The following PRF1 variants were observed in gnomAD, a reference collection of about 807,000 sequenced individuals.
The protein encoded by PRF1 is perforin-1.
In PRF1, 11 loss-of-function variants were observed where a neutral mutation model predicts 11.7. That is an observed-to-expected ratio of 0.94 (90% CI 0.59 to 1.56). The LOEUF is 1.56. Ranked by LOEUF, PRF1 falls within the 40% of genes most tolerant of loss-of-function variation. PRF1 has a pLI of 0.00. For synonymous variants in PRF1, 314 were observed against 327.8 expected (o/e 0.96, Z 0.45); for missense variants, 729 against 751.0 (o/e 0.97, Z 0.34).
chr10:70,597,608 T>G lies in PRF1; in HGVS notation c.*445A>C. On this transcript the variant is annotated 3_prime_UTR_variant, in exon 3 of 3. Transcript: ENST00000441259. ...TCTGCCCAGCTCCTGGCTGAAGCTG[T>G]GATCTGTGTAGCTGTGACTGCAGGG... 22 of 489,756 alleles carry G rather than the reference T, an allele frequency of 4.5e-5. No homozygotes were observed. Among genetic ancestry groups the G allele is most frequent in the East Asian group, 1.9e-4 (6 of 32,168 alleles). 30.3% of individuals were successfully genotyped at this position (489,756 alleles called of 1,614,324 possible).
rs754180700 is a variant in PRF1 at position 70,600,385 on chromosome 10, G to A, written c.518C>T (p.Thr173Met). The part of the protein sequence containing the change: ...HQDQYSFSTD[T>M]VECRFYSFHV... Reference sequence around the variant, plus strand: ...TCACCTGTAGAAGCGGCACTCCACCGTGTCAGTGCTGAAGCTGTACTGGTC... The same window carrying A: ...TCACCTGTAGAAGCGGCACTCCACCATGTCAGTGCTGAAGCTGTACTGGTC... Residue 173 changes from threonine to methionine, a missense_variant, in exon 2 of 3, where the codon ACG (threonine) becomes ATG (methionine). Coordinates refer to ENST00000441259, the MANE Select transcript of PRF1 (RefSeq NM_001083116.3). The surrounding 1 kb of genome is among the most constrained non-coding windows in gnomAD (Gnocchi z 4.9). The A allele has an allele frequency of 8.1e-6, 13 of 1,614,096 alleles. No homozygotes were observed. Among genetic ancestry groups the A allele is most frequent in the East Asian group, 4.5e-5 (2 of 44,870 alleles).
chr10:70,600,288 GC>G lies in PRF1; in HGVS notation c.539+75del, dbSNP rs1848200837. The G allele has an allele frequency of 1.9e-6, 3 of 1,585,684 alleles. No individual in the cohort carries two copies. Among genetic ancestry groups the G allele is most frequent in the Middle Eastern group, 3.5e-4 (2 of 5,744 alleles). ...CCTCCAAGTTTGATTGGAGGACTCT[GC>G]CTTTCCAGGGCTCCTAGACCACCCA... On this transcript the variant is annotated intron_variant, in intron 2 of 2. Transcript: ENST00000441259. This position sits in a 1 kb window ranked among gnomAD's most constrained non-coding sequence, Gnocchi z 4.9.
chr10:70,602,692 TCAC>T lies in PRF1; in HGVS notation c.-81_-79del, dbSNP rs1477144052. ...GGCTACACAGATGGATATCCTCTCT[TCAC>T]CGAGGCTCCTGGAATGGTGGCATCA... On this transcript the variant is annotated 5_prime_UTR_variant, in exon 1 of 3. It removes the in-frame stop codon of an upstream open reading frame in the 5' UTR. Transcript: ENST00000441259. 6.6e-6 allele frequency: 1 copy of T among 152,266 alleles called. No homozygotes were observed. Among genetic ancestry groups the T allele is most frequent in the African/African-American group, 2.4e-5 (1 of 41,406 alleles). The allele number at this position is 152,266 out of a possible 1,614,324, so 9.4% of individuals were successfully genotyped here.
rs368777270 is a variant in PRF1 at position 70,597,548 on chromosome 10, C to T, written c.*505G>A. On this transcript the variant is annotated 3_prime_UTR_variant, in exon 3 of 3. Transcript: ENST00000441259. Reference sequence around the variant, plus strand: ...CAAGGGAAGGGTCCTAAAAGACCAGCCCTGAGCAGCCTGGTGGGAACAGCC... The same window carrying T: ...CAAGGGAAGGGTCCTAAAAGACCAGTCCTGAGCAGCCTGGTGGGAACAGCC... 1 of 452,456 alleles carries T rather than the reference C, an allele frequency of 2.2e-6. No homozygotes were observed. Among genetic ancestry groups the T allele is most frequent in the Middle Eastern group, 5.7e-4 (1 of 1,740 alleles). 28.0% of individuals were successfully genotyped at this position (452,456 alleles called of 1,614,324 possible). A position where few individuals can be genotyped will look rare whatever the true frequency, so the allele number is the denominator to read the frequency against.
rs761310644 is a variant in PRF1, at chr10:70,600,756, G to A, written c.147C>T (p.Asp49=). ...AGCCCGAGCGGCGGAGGCTGGTCAC[G>A]TCCACACCCTCCCCGGCCAGCCATG... ...PGAWLAGEGV[D]VTSLRRSGSF... The change falls in exon 2 of 3, where the codon GAC becomes GAT. Residue 49 remains aspartate (D), a synonymous_variant. Coordinates refer to ENST00000441259, the MANE Select transcript of PRF1 (RefSeq NM_001083116.3). The surrounding 1 kb of genome is among the most constrained non-coding windows in gnomAD (Gnocchi z 4.9). 8.7e-6 allele frequency: 14 copies of A among 1,612,202 alleles called. No homozygotes were observed. The highest frequency in any genetic ancestry group is 1.1e-5 in the Non-Finnish European group (13 of 1,178,942).
rs1589232076 is a variant in PRF1, at chr10:70,598,641, CAG to C, written c.1078_1079del (p.Leu360GlufsTer97). 1 of 1,613,376 alleles carries C rather than the reference CAG, an allele frequency of 6.2e-7. No homozygotes were observed. The highest frequency in any genetic ancestry group is 1.3e-5 in the African/African-American group (1 of 74,948). On this transcript the variant is annotated frameshift_variant, in exon 3 of 3. Transcript: ENST00000441259. LOFTEE classifies it low-confidence loss of function (END_TRUNC). ...LDSQDPRREA[L>X]RRALSQYLTD... is the part of the protein sequence containing the mutation. ...TCAGGTACTGACTCAGGGCCCTCCTCAGTGCCTCCCGCCGCGGGTCCTGGCTG... is the reference window on the plus strand; with the variant it reads ...TCAGGTACTGACTCAGGGCCCTCCTCTGCCTCCCGCCGCGGGTCCTGGCTG...
chr10:70,599,089 G>A lies in PRF1; in HGVS notation c.632C>T (p.Ala211Val), dbSNP rs368524364. 1.0e-3 allele frequency: 1,663 copies of A among 1,614,008 alleles called. 20 individuals carry two copies. In the South Asian group the frequency reaches 0.016, roughly 16 times the overall value. Residue 211 changes from alanine (A) to valine (V), a missense_variant, in exon 3 of 3, where the codon GCC becomes GTC. Transcript: ENST00000441259. ...PHHFNASTQPAYLRLISNYGT... is the reference protein window; with the variant it reads ...PHHFNASTQPVYLRLISNYGT... ...GTAGTTGGAGATAAGCCTGAGGTAG[G>A]CGGGCTGGGTGGAGGCGTTGAAGTG...
Position 70,598,907 on chromosome 10 carries a change from T to G in PRF1, c.814A>C (p.Ile272Leu). Residue 272 changes from isoleucine (I) to leucine (L), a missense_variant, in exon 3 of 3, where the codon ATC becomes CTC. By Grantham distance (5) the Ile-to-Leu change is conservative. Coordinates refer to ENST00000441259, the MANE Select transcript of PRF1 (RefSeq NM_001083116.3). ...AQVNIGIHGS[I>L]SAEAKACEEK... ...TCACAGGCCTTGGCTTCGGCAGAGATGCTGCCGTGGATGCCTATGTTGACC... is the reference window on the plus strand; with the variant it reads ...TCACAGGCCTTGGCTTCGGCAGAGAGGCTGCCGTGGATGCCTATGTTGACC... 1 of 1,614,244 alleles carries G rather than the reference T, an allele frequency of 6.2e-7. No individual in the cohort carries two copies. The highest frequency in any genetic ancestry group is 8.5e-7 in the Non-Finnish European group (1 of 1,180,036).
Position 70,597,715 on chromosome 10 carries a change from C to G in PRF1, c.*338G>C. 1 of 592,694 alleles carries G rather than the reference C, an allele frequency of 1.7e-6. No homozygotes were observed. The highest frequency in any genetic ancestry group is 2.1e-5 in the South Asian group (1 of 47,162). 36.7% of individuals were successfully genotyped at this position (592,694 alleles called of 1,614,324 possible). On this transcript the variant is annotated 3_prime_UTR_variant, in exon 3 of 3. Coordinates refer to ENST00000441259, the MANE Select transcript of PRF1 (RefSeq NM_001083116.3). ...TAAACCCAGCCACCTCCCTGAAAAA[C>G]AGTCTGAATCTCCCTTTTCCATCTG...
At position 70,598,685 on chromosome 10, in the gene PRF1, G is replaced by A. The variant is rs374261838; in HGVS notation, c.1036C>T (p.Leu346=). 6.1e-5 allele frequency: 98 copies of A among 1,613,966 alleles called. No homozygotes were observed. The highest frequency in any genetic ancestry group is 8.1e-5 in the Non-Finnish European group (95 of 1,180,050). Residue 346 remains leucine (L), a synonymous_variant, in exon 3 of 3, where the codon CTG becomes TTG. Coordinates refer to ENST00000441259, the MANE Select transcript of PRF1 (RefSeq NM_001083116.3). ...PGLVDYTLEP[L]HVLLDSQDPR... is the part of the protein sequence containing the mutation. ...TCCTGGCTGTCCAGCAGCACGTGCA[G>A]GGGTTCCAGGGTGTAGTCCACCAGG...
rs150156593 is a variant in PRF1 at position 70,599,158 on chromosome 10, G to A, written c.563C>T (p.Pro188Leu). 104 of 1,614,184 alleles carry A rather than the reference G, an allele frequency of 6.4e-5. No homozygotes were observed. In the African/African-American group the frequency reaches 6.9e-4, roughly 11 times the overall value. ...FYSFHVVHTP[P>L]LHPDFKRALG... ...GGCCCTCTTGAAGTCAGGGTGCAGC[G>A]GGGGAGTGTGTACCACATGGAAACT... Residue 188 changes from proline (P) to leucine (L), a missense_variant, in exon 3 of 3, where the codon CCG becomes CTG. Transcript: ENST00000441259.
Position 70,600,444 on chromosome 10 carries a change from C to T in PRF1, c.459G>A (p.Gln153=). 6.2e-7 allele frequency: 1 copy of T among 1,614,216 alleles called. No homozygotes were observed. The highest frequency in any genetic ancestry group is 8.5e-7 in the Non-Finnish European group (1 of 1,180,042). Residue 153 remains glutamine (Q), a synonymous_variant, in exon 2 of 3, where the codon CAG becomes CAA. Coordinates refer to ENST00000441259, the MANE Select transcript of PRF1 (RefSeq NM_001083116.3). The surrounding 1 kb of genome is among the most constrained non-coding windows in gnomAD (Gnocchi z 4.9). ...VHVSVAGSHS[Q]AANFAAQKTH... Reference sequence around the variant, plus strand: ...TCTTCTGGGCTGCAAAGTTGGCTGCCTGTGAGTGTGAGCCGGCCACAGACA... The same window carrying T: ...TCTTCTGGGCTGCAAAGTTGGCTGCTTGTGAGTGTGAGCCGGCCACAGACA...
At position 70,600,706 on chromosome 10, in the gene PRF1, A is replaced by G; in HGVS notation, c.197T>C (p.Phe66Ser). The G allele has an allele frequency of 5.6e-6, 9 of 1,613,888 alleles. No individual in the cohort carries two copies. Among genetic ancestry groups the G allele is most frequent in the Non-Finnish European group, 7.6e-6 (9 of 1,179,936 alleles). Residue 66 changes from phenylalanine (F) to serine (S), a missense_variant, in exon 2 of 3, where the codon TTC becomes TCC. Physicochemically the swap from Phe to Ser is radical, Grantham distance 155 (BLOSUM62 -2). Coordinates refer to ENST00000441259, the MANE Select transcript of PRF1 (RefSeq NM_001083116.3). The surrounding 1 kb of genome is among the most constrained non-coding windows in gnomAD (Gnocchi z 4.9). ...GGTGCAGGTGCCGTCGGGCCGCAGG[A>G]ACCTTTGTGTGTCCACTGGGAAGGA... ...SGSFPVDTQR[F>S]LRPDGTCTLC...
rs2132477847 is a variant in PRF1, at chr10:70,600,347, C to T, written c.539+17G>A. 2 of 1,614,070 alleles carry T rather than the reference C, an allele frequency of 1.2e-6. No individual in the cohort carries two copies. Among genetic ancestry groups the T allele is most frequent in the Non-Finnish European group, 1.7e-6 (2 of 1,180,040 alleles). ...CCGCGCCTTTTCCAGCCCCCCACCC[C>T]TAGCCCCAGCTCTCACCTGTAGAAG... On this transcript the variant is annotated intron_variant, in intron 2 of 2. Coordinates refer to ENST00000441259, the MANE Select transcript of PRF1 (RefSeq NM_001083116.3). The surrounding 1 kb of genome is among the most constrained non-coding windows in gnomAD (Gnocchi z 4.9).
intron 2 of PRF1, 97 bp from the exon 3 acceptor site, chr10:70,599,278 G>A: frequency 6.8e-7 from 1 of 1,471,546 alleles, no homozygotes; most frequent in Non-Finnish European, 9.3e-7. Context: ...CATGTAAGTG[G>A]GCAGAACTAG....
rs759100720 is a variant in PRF1 at position 70,598,547 on chromosome 10, G to T, written c.1174C>A (p.Pro392Thr). 4 of 1,612,952 alleles carry T rather than the reference G, an allele frequency of 2.5e-6. No homozygotes were observed. The highest frequency in any genetic ancestry group is 1.6e-4 in the Middle Eastern group (1 of 6,084). Reference protein sequence around the residue: ...PPGRQKSPRDPCQCVCHGSAV... With the variant: ...PPGRQKSPRDTCQCVCHGSAV... Reference sequence around the variant, plus strand: ...GAGCCATGGCACACACACTGGCATGGGTCTCGGGGGCTCTTCTGCCGCCCT... The same window carrying T: ...GAGCCATGGCACACACACTGGCATGTGTCTCGGGGGCTCTTCTGCCGCCCT... Residue 392 changes from proline to threonine, a missense_variant, in exon 3 of 3, where the codon CCA becomes ACA. Transcript: ENST00000441259.
chr10:70,600,950 G>C lies in PRF1; in HGVS notation c.-30-18C>G, dbSNP rs1206749192. 1 of 1,547,092 alleles carries C rather than the reference G, an allele frequency of 6.5e-7. No homozygotes were observed. Among genetic ancestry groups the C allele is most frequent in the Non-Finnish European group, 8.7e-7 (1 of 1,148,686 alleles). ...CTTGGGCTCTGGGAAGCCATGGGTGGAGGGATGGAGGATGACTGCTCCCTT... is the reference window on the plus strand; with the variant it reads ...CTTGGGCTCTGGGAAGCCATGGGTGCAGGGATGGAGGATGACTGCTCCCTT... On this transcript the variant is annotated intron_variant, in intron 1 of 2. Coordinates refer to ENST00000441259, the MANE Select transcript of PRF1 (RefSeq NM_001083116.3). The surrounding 1 kb of genome is among the most constrained non-coding windows in gnomAD (Gnocchi z 4.9).
intron 2 of PRF1, among the ~76,000 whole-genome samples, chr10:70,599,468 G>A (rs146966247): frequency 3.9e-5 from 6 of 152,254 alleles, no homozygotes; most frequent in Non-Finnish European, 8.8e-5. Flanking sequence ...CAATGATCCT[G>A]GCCGGGAGCA....
chr10:70,598,407 A>T lies in PRF1; in HGVS notation c.1314T>A (p.Tyr438Ter), dbSNP rs1431972351. The T allele has an allele frequency of 2.5e-6, 4 of 1,613,936 alleles. No homozygotes were observed. The African/African-American group carries it at 5.3e-5, about 22-fold the overall frequency. Residue 438 changes from tyrosine to a stop codon, truncating the protein, a stop_gained, in exon 3 of 3, where the codon TAT (tyrosine) becomes TAA (stop). Transcript: ENST00000441259. LOFTEE classifies it low-confidence loss of function (END_TRUNC). ...CCTGGCCACCAAAGAAGAGCTTCAC[A>T]TAGGCATCCGTGGCAGTGAACCAGT... ...WGDWFTATDA[Y>*]VKLFFGGQEL...
Sources: gnomAD v4.1 joint callset for allele counts (sites outside exome capture counted in the v4.1 genomes callset) on GRCh38, gnomAD v4.1.1 for gene constraint, Gnocchi (gnomAD v3.1) non-coding constraint, MANE v1.5 for transcripts, NCBI Gene and HGNC (gene_info 2026-07-23, HGNC 2026-07-21) for gene names.